Variants in ASCC3 observed in about 807,000 individuals in gnomAD.
The protein encoded by ASCC3 is activating signal cointegrator 1 complex subunit 3.
In ASCC3, 158 loss-of-function variants were observed where a neutral mutation model predicts 256.3. That is an observed-to-expected ratio of 0.62 (90% CI 0.54 to 0.70). The LOEUF is 0.70. Among genes scored for constraint, ASCC3 ranks in the 30% least tolerant of loss-of-function variants. The pLI, the probability that ASCC3 is intolerant of heterozygous loss-of-function variation, is 0.00. For missense variants in ASCC3, 2,259 were observed against 2,626.0 expected, an observed-to-expected ratio of 0.86 and a Z score of 3.05; for synonymous variants, 948 against 883.4, an observed-to-expected ratio of 1.07 and a Z score of -1.30.
At chr6:100,647,169 G>C (rs879442937) in intron 21 of ASCC3, 57 bp downstream of exon 21, 187 of 1,425,446 alleles carry the variant, frequency 1.3e-4, no homozygotes, top group Non-Finnish European at 1.8e-4. Flanking sequence ...TTTACACCCA[G>C]CAACATATTT....
intron 25 of ASCC3, among the ~76,000 whole-genome samples, chr6:100,635,149 C>T (rs977051943): frequency 6.6e-6 from 1 of 151,854 alleles, no homozygotes; most frequent in African/African-American, 2.4e-5. Flanking sequence ...TGGAAACAAT[C>T]TAAGTGCCTC....
chr6:100,517,836 A>G, intron 38 of ASCC3, among the ~76,000 whole-genome samples, 155 bp downstream of exon 38: 1 of 152,182 alleles, frequency 6.6e-6, no homozygotes, highest in East Asian at 1.9e-4. Context: ...CAAGAATGTT[A>G]CGTCACTTGG....
chr6:100,573,470 T>C (rs1484937581), intron 36 of ASCC3, among the ~76,000 whole-genome samples: 1 of 152,158 alleles, frequency 6.6e-6, no homozygotes, highest in South Asian at 2.1e-4. Context: ...GAAGCCAATT[T>C]CTAGCATATG....
At chr6:100,830,485 G>T (rs1049857340) in intron 4 of ASCC3, among the ~76,000 whole-genome samples, 3 of 152,068 alleles carry the variant, frequency 2.0e-5, no homozygotes, top group Non-Finnish European at 4.4e-5. Context: ...CTTTCCTTAT[G>T]AATATGGACA....
intron 14 of ASCC3, among the ~76,000 whole-genome samples, chr6:100,668,936 A>G (rs192987104): frequency 6.6e-6 from 1 of 151,894 alleles, no homozygotes; most frequent in East Asian, 1.9e-4. Context: ...GGGAGTAGGC[A>G]AGGTTGTTTG....
intron 4 of ASCC3, among the ~76,000 whole-genome samples, chr6:100,844,056 G>A (rs754107688): frequency 6.7e-6 from 1 of 150,344 alleles, no homozygotes; most frequent in African/African-American, 2.5e-5. Context: ...GCCCATAGTC[G>A]ATAAGACATT....
At chr6:100,708,478 A>C (rs1435360536) in intron 13 of ASCC3, among the ~76,000 whole-genome samples, 1 of 152,148 alleles carries the variant, frequency 6.6e-6, no homozygotes, top group South Asian at 2.1e-4. Context: ...TAGGAAAGAA[A>C]TCTCAGGGAT....
intron 30 of ASCC3, among the ~76,000 whole-genome samples, chr6:100,614,965 T>C (rs897568314): frequency 1.3e-5 from 2 of 152,170 alleles, no homozygotes; most frequent in Non-Finnish European, 2.9e-5. Context: ...ACAGCTCCTG[T>C]TGTTTGCTCG....
intron 14 of ASCC3, among the ~76,000 whole-genome samples, chr6:100,673,288 AAT>A (rs1293725208): frequency 1.3e-5 from 2 of 152,128 alleles, no homozygotes; most frequent in Admixed American, 6.6e-5. Context: ...CACAACATGA[AAT>A]ATGTTTTTGA....
chr6:100,863,843 G>A (rs541967624), intron 3 of ASCC3, among the ~76,000 whole-genome samples: 1 of 151,786 alleles, frequency 6.6e-6, no homozygotes, highest in African/African-American at 2.4e-5. Flanking sequence ...GGCTGGTCTC[G>A]AACTCCTGGA....
intron 13 of ASCC3, among the ~76,000 whole-genome samples, chr6:100,712,393 T>C (rs935109555): frequency 2.0e-5 from 3 of 151,972 alleles, no homozygotes; most frequent in African/African-American, 7.3e-5. Flanking sequence ...GTTAACAAAA[T>C]ATACAAAGAA....
intron 4 of ASCC3, among the ~76,000 whole-genome samples, chr6:100,834,982 G>A (rs1309012303): frequency 6.6e-6 from 1 of 151,522 alleles, no homozygotes; most frequent in Non-Finnish European, 1.5e-5. Flanking sequence ...TATTAACACA[G>A]AATAATTTCC....
At chr6:100,775,645 C>A (rs1184977382) in intron 8 of ASCC3, among the ~76,000 whole-genome samples, 1 of 151,916 alleles carries the variant, frequency 6.6e-6, no homozygotes, top group East Asian at 1.9e-4. Context: ...ACAGAACATG[C>A]TGAATAGAAA....
intron 10 of ASCC3, among the ~76,000 whole-genome samples, chr6:100,758,737 C>T (rs2115111325): frequency 1.3e-5 from 2 of 152,214 alleles, no homozygotes; most frequent in South Asian, 4.1e-4. Context: ...ATTTCTATTC[C>T]TTTGGGTACT....
At chr6:100,850,098 CAAAAAAAA>C (rs61582863) in intron 3 of ASCC3, among the ~76,000 whole-genome samples, 16 of 80,612 alleles carry the variant, frequency 2.0e-4, no homozygotes, top group African/African-American at 5.9e-4. Context: ...GAGACTCTAT[CAAAAAAAA>C]AAAAAAAAAA....
At chr6:100,735,921 T>C (rs1033035374) in intron 10 of ASCC3, among the ~76,000 whole-genome samples, 3 of 152,170 alleles carry the variant, frequency 2.0e-5, no homozygotes, top group African/African-American at 7.2e-5. Flanking sequence ...TATTTCCTTT[T>C]TATATGCTTC....
rs1301354473 is a variant in ASCC3, at chr6:100,818,584, AGAAG to A, written c.802-12708_802-12705del. 1.6e-4 allele frequency among the ~76,000 whole-genome samples: 22 copies of A among 136,730 alleles called. No individual in the cohort carries two copies. The East Asian group carries it at 5.2e-3, about 32-fold the overall frequency. 89.7% of individuals were successfully genotyped at this position (136,730 alleles called of 152,430 possible). A position where few individuals can be genotyped will look rare whatever the true frequency, so the allele number is the denominator to read the frequency against. ...ACTCCGTCTCAAAAAAAAAAAAAAA[AGAAG>A]AAGAAAAATCTGCAGCTAACATACA... On this transcript the variant is annotated intron_variant, in intron 4 of 41. Transcript: ENST00000369162.
At chr6:100,845,545 C>T (rs971754771) in intron 4 of ASCC3, among the ~76,000 whole-genome samples, 24 of 152,230 alleles carry the variant, frequency 1.6e-4, no homozygotes, top group Admixed American at 2.0e-4. Context: ...CTTAATCCAG[C>T]ACTGCCTATC....
intron 36 of ASCC3, among the ~76,000 whole-genome samples, chr6:100,551,963 A>G (rs1471996804): frequency 6.6e-6 from 1 of 151,762 alleles, no homozygotes; most frequent in African/African-American, 2.4e-5. Context: ...CTGGGAATTG[A>G]TACAATAGGT....
Sources: allele counts gnomAD v4.1 joint callset (sites outside exome capture counted in the v4.1 genomes callset), GRCh38; gene constraint gnomAD v4.1.1; transcripts MANE v1.5; gene names NCBI Gene and HGNC (gene_info 2026-07-23, HGNC 2026-07-21).